Variants in ALPK1 observed in about 807,000 individuals in gnomAD.
The protein encoded by ALPK1 is alpha-protein kinase 1.
A neutral mutation model predicts 120.6 loss-of-function variants in ALPK1; 110 were observed. The ratio of observed to expected loss-of-function variants is 0.91; its 90% CI spans 0.78 to 1.07. The LOEUF (loss-of-function observed/expected upper bound fraction) is 1.07, where lower values mean the gene tolerates loss of function less well. ALPK1 is among the 50% of genes least tolerant of loss of function. The probability of loss-of-function intolerance (pLI) is 0.00; values close to 1 mark genes in which losing one functional copy is unlikely to be tolerated. For synonymous variants in ALPK1, 582 were observed against 560.3 expected, an observed-to-expected ratio of 1.04 and a Z score of -0.55; for missense variants, 1,498 against 1,483.9, an observed-to-expected ratio of 1.01 and a Z score of -0.16.
At chr4:112,357,573 G>A (rs1730693557) in intron 2 of ALPK1, 3 of 1,431,634 alleles carry the variant, frequency 2.1e-6, no homozygotes, top group South Asian at 2.3e-5. Context: ...TGGCCCCCGG[G>A]TCCTCCTTTG....
intron 4 of ALPK1, among the ~76,000 whole-genome samples, chr4:112,401,180 C>T (rs1358090257): frequency 6.6e-6 from 1 of 152,096 alleles, no homozygotes; most frequent in Non-Finnish European, 1.5e-5. Flanking sequence ...GCATAGTTGG[C>T]CTTTGCTAGA....
intron 9 of ALPK1, 38 bp downstream of exon 9, chr4:112,427,703 T>C (rs773865358): frequency 6.9e-7 from 1 of 1,454,438 alleles, no homozygotes; most frequent in East Asian, 2.3e-5. Context: ...ACCTGTAAAA[T>C]TGTCAATCGT....
chr4:112,409,802 G>A (rs1226620361), intron 4 of ALPK1, among the ~76,000 whole-genome samples: 1 of 152,146 alleles, frequency 6.6e-6, no homozygotes. Context: ...TACGGTCATT[G>A]AGCTTCCGTC....
intron 5 of ALPK1, among the ~76,000 whole-genome samples, chr4:112,416,875 CAAA>C (rs56919059): frequency 1.9e-5 from 2 of 106,282 alleles, no homozygotes; most frequent in Admixed American, 9.5e-5. Flanking sequence ...GACCCTGTCT[CAAA>C]AAAAAAAAAA....
At chr4:112,298,253 TTCTC>T (rs1160762951) in intron 1 of ALPK1, among the ~76,000 whole-genome samples, 1 of 151,282 alleles carries the variant, frequency 6.6e-6, no homozygotes, top group East Asian at 1.9e-4. Flanking sequence ...CGATATATAT[TTCTC>T]TCTCTCTCTG....
At chr4:112,373,775 A>G (rs907245919) in intron 2 of ALPK1, among the ~76,000 whole-genome samples, 3 of 152,204 alleles carry the variant, frequency 2.0e-5, no homozygotes. Flanking sequence ...TTTGTTTCCC[A>G]GTGCATAATA....
Position 112,380,313 on chromosome 4 carries a change from G to C in ALPK1, c.122-2085G>C, listed in dbSNP as rs77825246. Among the ~76,000 whole-genome samples, 995 of 152,296 alleles carry C rather than the reference G, an allele frequency of 6.5e-3. 19 individuals carry two copies. The highest frequency in any genetic ancestry group is 0.023 in the African/African-American group (936 of 41,566). The stretch of plus-strand genomic sequence containing the variant: ...GGGTCAGGTTTTCCAGCAGAATGTG[G>C]CCACCTAAGTCCCTAATCCTGTGGG... On this transcript the variant is annotated intron_variant, in intron 3 of 15. Transcript: ENST00000650871.
At chr4:112,319,627 T>G (rs1440010789) in intron 2 of ALPK1, among the ~76,000 whole-genome samples, 1 of 152,222 alleles carries the variant, frequency 6.6e-6, no homozygotes, top group Non-Finnish European at 1.5e-5. Flanking sequence ...TGTAGATTGC[T>G]TTTGGCAGTA....
chr4:112,325,140 C>T (rs4834260), intron 2 of ALPK1, among the ~76,000 whole-genome samples: 46,974 of 152,064 alleles, frequency 0.31, 8,813 homozygotes, highest in Admixed American at 0.4. Flanking sequence ...GAATCTAGGA[C>T]TCACTATACA....
At chr4:112,373,899 G>T (rs1731531639) in intron 2 of ALPK1, among the ~76,000 whole-genome samples, 1 of 152,202 alleles carries the variant, frequency 6.6e-6, no homozygotes, top group Admixed American at 6.5e-5. Context: ...AAATGCTAAT[G>T]ATTATCTGAG....
chr4:112,432,269 A>G lies in ALPK1; in HGVS notation c.2722A>G (p.Thr908Ala). The G allele has an allele frequency of 6.2e-7, 1 of 1,614,160 alleles. No homozygotes were observed. Among genetic ancestry groups the G allele is most frequent in the Non-Finnish European group, 8.5e-7 (1 of 1,180,022 alleles). Reference sequence around the variant, plus strand: ...TGTCCTCAGCGAGGACTGCACTACCACAGAGGAAGGAAATCAGCCTGGAAA... The same window carrying G: ...TGTCCTCAGCGAGGACTGCACTACCGCAGAGGAAGGAAATCAGCCTGGAAA... ...FPVLSEDCTT[T>A]EEGNQPGNML... The change falls in exon 11 of 16, where the codon ACA becomes GCA. Residue 908 changes from threonine to alanine, a missense_variant. Physicochemically the swap from Thr to Ala is moderately conservative, Grantham distance 58. Coordinates refer to ENST00000650871, the MANE Select transcript of ALPK1 (RefSeq NM_025144.4).
chr4:112,329,328 C>A (rs1478823288), intron 2 of ALPK1, among the ~76,000 whole-genome samples: 2 of 152,092 alleles, frequency 1.3e-5, no homozygotes, highest in African/African-American at 2.4e-5. Context: ...TTATTTTTAC[C>A]AATCAAACTC....
chr4:112,382,366 C>T (rs372272429), intron 3 of ALPK1, 32 bp from the exon 4 acceptor site: 5 of 1,574,062 alleles, frequency 3.2e-6, no homozygotes, highest in African/African-American at 1.4e-5. Flanking sequence ...TCTTTGACTG[C>T]AATTTCCTTA....
rs182602784 is a variant in ALPK1, at chr4:112,382,411, C to G, written c.135C>G (p.Ser45Arg). Reference protein sequence around the residue: ...EDQRCRALLPSELRTLIQEAK... With the variant: ...EDQRCRALLPRELRTLIQEAK... ...TGACCTTTTCAGCTTTACTCCCCAG[C>G]GAGTTAAGGACCCTGATCCAGGAGG... is the stretch of plus-strand genomic sequence containing the variant. Residue 45 changes from serine (S) to arginine (R), a missense_variant, in exon 4 of 16, where the codon AGC becomes AGG. Transcript: ENST00000650871. 2.5e-6 allele frequency: 4 copies of G among 1,613,020 alleles called. No individual in the cohort carries two copies. In the South Asian group the frequency reaches 3.3e-5, roughly 13 times the overall value.
intron 2 of ALPK1, among the ~76,000 whole-genome samples, chr4:112,360,119 A>C (rs886670857): frequency 6.6e-6 from 1 of 152,008 alleles, no homozygotes; most frequent in Non-Finnish European, 1.5e-5. Context: ...ATACTGCTCT[A>C]TGTTTCTATG....
intron 1 of ALPK1, among the ~76,000 whole-genome samples, chr4:112,313,534 C>T (rs184632053): frequency 6.6e-6 from 1 of 152,232 alleles, no homozygotes. Flanking sequence ...ACCAGACTGC[C>T]CAACATGGTG....
intron 5 of ALPK1, among the ~76,000 whole-genome samples, chr4:112,423,527 C>T (rs1029619777): frequency 4.6e-5 from 7 of 152,190 alleles, no homozygotes; most frequent in African/African-American, 1.7e-4. Context: ...GAGAAAGAAT[C>T]TCCTCACTCC....
At chr4:112,390,753 A>G (rs1396129183) in intron 4 of ALPK1, among the ~76,000 whole-genome samples, 1 of 152,200 alleles carries the variant, frequency 6.6e-6, no homozygotes, top group Non-Finnish European at 1.5e-5. Flanking sequence ...CAGGAGGATA[A>G]TGCCCATGTA....
chr4:112,374,644 A>G (rs977632635), intron 2 of ALPK1, among the ~76,000 whole-genome samples: 1 of 152,222 alleles, frequency 6.6e-6, no homozygotes, highest in Non-Finnish European at 1.5e-5. Flanking sequence ...AGCCTTATGA[A>G]ATGAATTTCT....
Sources: allele counts gnomAD v4.1 joint callset (sites outside exome capture counted in the v4.1 genomes callset), GRCh38; gene constraint gnomAD v4.1.1; transcripts MANE v1.5; gene names NCBI Gene and HGNC (gene_info 2026-07-23, HGNC 2026-07-21).